TAB2: variants seen among roughly 807,000 people sequenced by gnomAD.
TAB2 encodes the protein TGF-beta-activated kinase 1 and MAP3K7-binding protein 2.
TAB2 carries 3 observed loss-of-function variants against 65.0 expected under a neutral mutation model. That is an observed-to-expected ratio of 0.05 (90% CI 0.02 to 0.12). The LOEUF (loss-of-function observed/expected upper bound fraction) is 0.12. TAB2 is among the 10% of genes least tolerant of loss of function. The pLI is 1.00. For synonymous variants in TAB2, 298 were observed against 285.1 expected, an observed-to-expected ratio of 1.05 and a Z score of -0.46; for missense variants, 623 against 840.3, an observed-to-expected ratio of 0.74 and a Z score of 3.20.
intron 1 of TAB2, among the ~76,000 whole-genome samples, chr6:149,292,971 T>C (rs552582573): frequency 6.6e-6 from 1 of 152,342 alleles, no homozygotes; most frequent in East Asian, 1.9e-4. Context: ...AATTAATTTT[T>C]CCAGGTACGT....
rs140873326 is a variant in TAB2 at position 149,356,523 on chromosome 6, C to A, written c.-89-13386C>A. Among the ~76,000 whole-genome samples the A allele has an allele frequency of 5.0e-3, 764 of 152,262 alleles. 8 individuals carry two copies. Among genetic ancestry groups the A allele is most frequent in the African/African-American group, 0.018 (740 of 41,552 alleles). Reference sequence around the variant, plus strand: ...GCAGACTGAATGTCTGGTGAATTCCCACTCTGTGGTTCGTAGGTGGCACCT... The same window carrying A: ...GCAGACTGAATGTCTGGTGAATTCCAACTCTGTGGTTCGTAGGTGGCACCT... On this transcript the variant is annotated intron_variant, in intron 1 of 6. Coordinates refer to ENST00000637181, the MANE Select transcript of TAB2 (RefSeq NM_001292034.3).
upstream of TAB2, among the ~76,000 whole-genome samples, chr6:149,315,484 T>G (rs1466607410): frequency 2.6e-5 from 4 of 152,222 alleles, no homozygotes; most frequent in African/African-American, 9.6e-5. Context: ...GTGTGTTTGC[T>G]TATAAACAAG....
intron 3 of TAB2, 151 bp from the exon 4 acceptor site, chr6:149,397,453 A>G (rs1782210991): frequency 1.0e-6 from 1 of 967,814 alleles, no homozygotes; most frequent in Admixed American, 2.1e-5. Flanking sequence ...AAAAAAAAAA[A>G]AAATTGAAAT....
chr6:149,307,150 T>C (rs1779086922), intron 1 of TAB2, among the ~76,000 whole-genome samples: 1 of 152,076 alleles, frequency 6.6e-6, no homozygotes, highest in Admixed American at 6.6e-5. Context: ...AACAATTCCG[T>C]TGCAAATATG....
intron 3 of TAB2, among the ~76,000 whole-genome samples, chr6:149,393,328 G>C (rs1000370318): frequency 6.6e-5 from 10 of 152,104 alleles, no homozygotes; most frequent in African/African-American, 2.4e-4. Flanking sequence ...TTTTACTTTA[G>C]AGCTTCAGAC....
intron 1 of TAB2, among the ~76,000 whole-genome samples, chr6:149,233,848 C>T (rs1025532085): frequency 2.0e-5 from 3 of 152,192 alleles, no homozygotes; most frequent in East Asian, 1.9e-4. Context: ...TGATCCATAA[C>T]GGGCTCTCCA....
intron 1 of TAB2, among the ~76,000 whole-genome samples, chr6:149,318,240 A>G (rs1275749809): frequency 6.7e-6 from 1 of 149,158 alleles, no homozygotes; most frequent in African/African-American, 2.4e-5. Flanking sequence ...GGTGGGGAGC[A>G]TCGGGCCGGG....
In TAB2 at chr6:149,409,723, A is replaced by G. The variant is rs544242243; in HGVS notation, c.*4A>G. The G allele has an allele frequency of 3.1e-6, 5 of 1,614,074 alleles. No homozygotes were observed. In the African/African-American group the frequency reaches 6.7e-5, roughly 22 times the overall value. ...TGAGATGCCAAGGCATTTCTGAGCCAAATGGCCCTGTATCTTCTCTAAAAC... is the reference window on the plus strand; with the variant it reads ...TGAGATGCCAAGGCATTTCTGAGCCGAATGGCCCTGTATCTTCTCTAAAAC... On this transcript the variant is annotated 3_prime_UTR_variant, in exon 7 of 7. Coordinates refer to ENST00000637181, the MANE Select transcript of TAB2 (RefSeq NM_001292034.3).
At chr6:149,224,183 C>T (rs192603437) in intron 1 of TAB2, among the ~76,000 whole-genome samples, 74 of 152,234 alleles carry the variant, frequency 4.9e-4, no homozygotes, top group African/African-American at 1.7e-3. Context: ...TATAGCAGCC[C>T]ATGAGTCGGG....
chr6:149,310,109 G>C (rs576141165), intron 1 of TAB2, among the ~76,000 whole-genome samples: 1 of 152,176 alleles, frequency 6.6e-6, no homozygotes, highest in African/African-American at 2.4e-5. Context: ...GAGATGGGCC[G>C]ACTGCTTGAG....
chr6:149,318,291 T>G (rs1779323134), intron 1 of TAB2, among the ~76,000 whole-genome samples: 1 of 148,858 alleles, frequency 6.7e-6, no homozygotes, highest in Non-Finnish European at 1.5e-5. Flanking sequence ...GAGGGGGAGC[T>G]TCATTGGAAT....
intron 1 of TAB2, among the ~76,000 whole-genome samples, chr6:149,225,062 G>A (rs1244636014): frequency 4.6e-5 from 7 of 152,120 alleles, no homozygotes; most frequent in African/African-American, 1.4e-4. Flanking sequence ...GGCATTTTTA[G>A]CTAAAACATA....
intron 1 of TAB2, among the ~76,000 whole-genome samples, chr6:149,287,246 T>C (rs1351857515): frequency 6.6e-6 from 1 of 152,204 alleles, no homozygotes; most frequent in East Asian, 1.9e-4. Flanking sequence ...GAAAGGATTA[T>C]AGGTGAGTTT....
chr6:149,227,397 G>T (rs62425949), intron 1 of TAB2, among the ~76,000 whole-genome samples: 3,243 of 152,228 alleles, frequency 0.021, 52 homozygotes, highest in Non-Finnish European at 0.033. Flanking sequence ...CTGACCCCTT[G>T]ATGTCCCAGA....
At chr6:149,221,337 T>A (rs1451123025) in intron 1 of TAB2, 2 of 152,122 alleles carry the variant, frequency 1.3e-5, no homozygotes, top group Non-Finnish European at 2.9e-5. Context: ...CAAGCCAGAG[T>A]GTAACAATGA....
chr6:149,264,722 A>G (rs1211870983), intron 1 of TAB2, among the ~76,000 whole-genome samples: 1 of 152,242 alleles, frequency 6.6e-6, no homozygotes, highest in East Asian at 1.9e-4. Flanking sequence ...TGACATCAAC[A>G]TCAGTGACCC....
At chr6:149,292,517 C>T (rs946085150) in intron 1 of TAB2, among the ~76,000 whole-genome samples, 3 of 152,224 alleles carry the variant, frequency 2.0e-5, no homozygotes, top group Middle Eastern at 6.8e-3. Flanking sequence ...ATAAAATAAA[C>T]TTTGAAAAAG....
At chr6:149,248,428 AAAGGAAGG>A (rs377016044) in intron 1 of TAB2, among the ~76,000 whole-genome samples, 3 of 117,248 alleles carry the variant, frequency 2.6e-5, no homozygotes, top group Non-Finnish European at 5.0e-5. Flanking sequence ...AAAAAGAAAG[AAAGGAAGG>A]AAGGAAGGAA....
chr6:149,231,257 T>C (rs1320567519), intron 1 of TAB2, among the ~76,000 whole-genome samples: 3 of 152,240 alleles, frequency 2.0e-5, no homozygotes, highest in Non-Finnish European at 4.4e-5. Context: ...GCAGTGGAGC[T>C]GATGATTAAT....
Sources: gnomAD v4.1 joint callset for allele counts (sites outside exome capture counted in the v4.1 genomes callset) on GRCh38, gnomAD v4.1.1 for gene constraint, MANE v1.5 for transcripts, NCBI Gene and HGNC (gene_info 2026-07-23, HGNC 2026-07-21) for gene names.